The following SYNPR variants were observed in gnomAD, a reference collection of about 807,000 sequenced individuals.
The protein encoded by SYNPR is synaptoporin.
A neutral mutation model predicts 32.9 loss-of-function variants in SYNPR; 23 were observed. The observed-to-expected ratio is 0.70, with a 90% confidence interval of 0.50 to 0.99. The LOEUF (loss-of-function observed/expected upper bound fraction) is 0.99. SYNPR is among the 50% of genes least tolerant of loss of function. The pLI, the probability that SYNPR is intolerant of heterozygous loss-of-function variation, is 0.00. For missense variants in SYNPR, 318 were observed against 349.3 expected, an observed-to-expected ratio of 0.91 and a Z score of 0.71; for synonymous variants, 146 against 135.9, an observed-to-expected ratio of 1.07 and a Z score of -0.52.
intron 2 of SYNPR, among the ~76,000 whole-genome samples, chr3:63,254,942 T>A (rs1401842516): frequency 6.6e-6 from 1 of 152,150 alleles, no homozygotes; most frequent in African/African-American, 2.4e-5. Context: ...TGGCCATCCA[T>A]GGAAGAGGCC....
upstream of SYNPR, among the ~76,000 whole-genome samples, chr3:63,274,920 T>C (rs928899223): frequency 6.6e-6 from 1 of 152,118 alleles, no homozygotes; most frequent in Admixed American, 6.5e-5. Flanking sequence ...TCACCCTCTA[T>C]TGAGAACCAG....
At chr3:63,331,925 C>A (rs1038349510) in intron 2 of SYNPR, among the ~76,000 whole-genome samples, 1 of 152,164 alleles carries the variant, frequency 6.6e-6, no homozygotes, top group Non-Finnish European at 1.5e-5. Context: ...CTGGCATTTA[C>A]TTTCTAGTAG....
chr3:63,301,747 G>A (rs1314229736), intron 2 of SYNPR, among the ~76,000 whole-genome samples: 1 of 152,062 alleles, frequency 6.6e-6, no homozygotes, highest in East Asian at 1.9e-4. Context: ...TTCTGTAGAA[G>A]CTTAGCAGTA....
At chr3:63,548,869 C>A (rs1702456179) in intron 3 of SYNPR, among the ~76,000 whole-genome samples, 3 of 152,122 alleles carry the variant, frequency 2.0e-5, no homozygotes, top group Non-Finnish European at 4.4e-5. Context: ...GAACCACCGC[C>A]AAATGTATTG....
intron 3 of SYNPR, among the ~76,000 whole-genome samples, chr3:63,505,249 A>G (rs750742137): frequency 4.6e-5 from 7 of 152,186 alleles, no homozygotes; most frequent in African/African-American, 1.2e-4. Context: ...ACATTTATAG[A>G]TCAAAACCAG....
At chr3:63,487,510 G>T (rs1251942723) in intron 3 of SYNPR, among the ~76,000 whole-genome samples, 2 of 152,092 alleles carry the variant, frequency 1.3e-5, no homozygotes. Context: ...TGCTAGAAAA[G>T]ATATTTATTC....
intron 4 of SYNPR, among the ~76,000 whole-genome samples, chr3:63,589,716 T>C (rs1703271379): frequency 1.4e-5 from 2 of 147,602 alleles, no homozygotes; most frequent in Middle Eastern, 3.4e-3. Flanking sequence ...CATGATTATC[T>C]CAATAGATGC....
At chr3:63,486,847 A>G (rs1701164786) in intron 3 of SYNPR, among the ~76,000 whole-genome samples, 1 of 152,142 alleles carries the variant, frequency 6.6e-6, no homozygotes, top group African/African-American at 2.4e-5. Context: ...GAATCTTAGT[A>G]TATATGGGAG....
intron 3 of SYNPR, among the ~76,000 whole-genome samples, chr3:63,486,116 C>T (rs1575669791): frequency 6.6e-6 from 1 of 152,224 alleles, no homozygotes; most frequent in East Asian, 1.9e-4. Flanking sequence ...ACCATGTTGG[C>T]CAGGCTTATC....
chr3:63,202,079 T>A, the SYNPR span, among the ~76,000 whole-genome samples: 1 of 152,140 alleles, frequency 6.6e-6, no homozygotes, highest in African/African-American at 2.4e-5. Flanking sequence ...CAAAAGAAAG[T>A]GGGCCTGGGA....
At chr3:63,443,464 G>T in intron 2 of SYNPR, 1 of 1,606,662 alleles carries the variant, frequency 6.2e-7, no homozygotes, top group East Asian at 2.2e-5. Context: ...GGTGATATTT[G>T]CTCCGGTAAG....
intron 2 of SYNPR, among the ~76,000 whole-genome samples, chr3:63,353,418 A>C (rs2087535329): frequency 6.6e-6 from 1 of 152,216 alleles, no homozygotes; most frequent in African/African-American, 2.4e-5. Flanking sequence ...CCACCTGCTA[A>C]ATTGGAAACT....
intron 2 of SYNPR, chr3:63,330,409 T>C (rs1195286030): frequency 6.6e-6 from 1 of 151,740 alleles, no homozygotes; most frequent in African/African-American, 2.4e-5. Flanking sequence ...GGATCAAGTA[T>C]TTTAAATGAT....
At chr3:63,375,326 G>A (rs1488253044) in intron 2 of SYNPR, among the ~76,000 whole-genome samples, 1 of 152,166 alleles carries the variant, frequency 6.6e-6, no homozygotes, top group Non-Finnish European at 1.5e-5. Flanking sequence ...CAACCCAAAT[G>A]TCCATCAATG....
At chr3:63,428,446 G>A (rs963366334) in intron 2 of SYNPR, among the ~76,000 whole-genome samples, 3 of 152,188 alleles carry the variant, frequency 2.0e-5, no homozygotes, top group Admixed American at 6.5e-5. Flanking sequence ...GCTATTAGAA[G>A]CATGATTTAC....
intron 2 of SYNPR, among the ~76,000 whole-genome samples, chr3:63,422,639 A>G (rs1699821166): frequency 6.6e-6 from 1 of 152,212 alleles, no homozygotes; most frequent in Non-Finnish European, 1.5e-5. Flanking sequence ...CAGATTGGCA[A>G]AATATTGAAA....
intron 2 of SYNPR, among the ~76,000 whole-genome samples, chr3:63,438,720 G>C (rs2107155831): frequency 6.6e-6 from 1 of 152,322 alleles, no homozygotes; most frequent in Non-Finnish European, 1.5e-5. Flanking sequence ...CATGCTAGGA[G>C]CTGTGCTCAG....
chr3:63,468,308 T>G lies in SYNPR; in HGVS notation c.85-12524T>G, dbSNP rs1406095135. On this transcript the variant is annotated intron_variant, in intron 2 of 5. Coordinates refer to ENST00000478300, the MANE Select transcript of SYNPR (RefSeq NM_001130003.2). ...AGTATGGTGTTCAAAGGAGGTAGAA[T>G]GTAGAAAGGTTTTTAAATCTTTAGA... Among the ~76,000 whole-genome samples, 6 of 151,924 alleles carry G rather than the reference T, an allele frequency of 3.9e-5. No homozygotes were observed. The East Asian group carries it at 9.7e-4, about 24-fold the overall frequency.
intron 2 of SYNPR, among the ~76,000 whole-genome samples, chr3:63,303,385 A>G (rs1013296393): frequency 6.6e-6 from 1 of 151,978 alleles, no homozygotes; most frequent in African/African-American, 2.4e-5. Context: ...TGGGCAAACC[A>G]CTACCATGTC....
Sources: allele counts gnomAD v4.1 joint callset (sites outside exome capture counted in the v4.1 genomes callset), GRCh38; gene constraint gnomAD v4.1.1; transcripts MANE v1.5; gene names NCBI Gene and HGNC (gene_info 2026-07-23, HGNC 2026-07-21).